The following PGM1 variants were observed in gnomAD, a reference collection of about 807,000 sequenced individuals.
The protein encoded by PGM1 is phosphoglucomutase-1.
PGM1 carries 52 observed loss-of-function variants against 55.6 expected under a neutral mutation model. That is an observed-to-expected ratio of 0.94 (90% CI 0.75 to 1.18). The LOEUF is 1.18. PGM1 is among the 50% of genes most tolerant of loss of function. The probability of loss-of-function intolerance (pLI) is 0.00; values close to 1 mark genes in which losing one functional copy is unlikely to be tolerated. For synonymous variants in PGM1, 287 were observed against 271.7 expected (o/e 1.06, Z -0.55); for missense variants, 724 against 729.3 (o/e 0.99, Z 0.08).
chr1:63,619,133 A>G (rs533824154), intron 1 of PGM1, among the ~76,000 whole-genome samples: 21 of 152,216 alleles, frequency 1.4e-4, no homozygotes, highest in African/African-American at 5.1e-4. Context: ...TTGAGTCCCA[A>G]TTCTAGATTC....
chr1:63,623,443 A>T (rs772819860), intron 1 of PGM1: 6 of 1,608,134 alleles, frequency 3.7e-6, no homozygotes. Flanking sequence ...TCACTGAGCC[A>T]GTCGGTGGAA....
At chr1:63,651,106 A>G (rs938030900) in intron 8 of PGM1, among the ~76,000 whole-genome samples, 5 of 151,780 alleles carry the variant, frequency 3.3e-5, no homozygotes, top group African/African-American at 1.2e-4. Context: ...AGATGTAAAG[A>G]GTCAGTGTTT....
rs1647943004 is a variant in PGM1 at position 63,593,752 on chromosome 1, C to A, written c.246+18C>A. The A allele has an allele frequency of 6.3e-6, 10 of 1,578,598 alleles. No homozygotes were observed. The highest frequency in any genetic ancestry group is 7.7e-6 in the Non-Finnish European group (9 of 1,168,536). The stretch of plus-strand genomic sequence containing the variant: ...CCAACGGGGTAAGGGATGCGCGGCC[C>A]CGCGCCGCTGTGCACCCTGGCGCGT... On this transcript the variant is annotated intron_variant, in intron 1 of 10. Transcript: ENST00000371084.
At chr1:63,614,635 G>A (rs1054134206) in intron 1 of PGM1, among the ~76,000 whole-genome samples, 3 of 152,156 alleles carry the variant, frequency 2.0e-5, no homozygotes, top group East Asian at 1.9e-4. Flanking sequence ...CTTAGAGCAA[G>A]CCTTCTAACT....
chr1:63,638,635 C>A, intron 6 of PGM1, 50 bp from the exon 7 acceptor site: 1 of 1,229,746 alleles, frequency 8.1e-7, no homozygotes, highest in Non-Finnish European at 1.2e-6. Context: ...CCTCACATGG[C>A]CACGCTAACA....
rs1181503630 is a variant in PGM1 at position 63,634,999 on chromosome 1, G to A, written c.853G>A (p.Ala285Thr). 1.9e-6 allele frequency: 3 copies of A among 1,613,968 alleles called. No individual in the cohort carries two copies. Among genetic ancestry groups the A allele is most frequent in the Admixed American group, 3.3e-5 (2 of 60,016 alleles). Residue 285 changes from alanine to threonine, a missense_variant, in exon 5 of 11, where the codon GCT (alanine) becomes ACT (threonine). Ala to Thr is a moderately conservative substitution (Grantham distance 58). Around this residue, in one of 3 missense-constraint regions of PGM1, gnomAD observed 29 missense variants for 58.7 expected, o/e 0.49. Transcript: ENST00000371084. ...GAAGTCAGGAGAGCATGATTTTGGG[G>A]CTGCCTTTGATGGAGATGGGGTGGG... The part of the protein sequence containing the change: ...TMKSGEHDFG[A>T]AFDGDGDRNM...
At chr1:63,613,775 C>T (rs1338449901) in intron 1 of PGM1, among the ~76,000 whole-genome samples, 2 of 150,720 alleles carry the variant, frequency 1.3e-5, no homozygotes, top group Non-Finnish European at 2.9e-5. Context: ...ACTCTGTCCA[C>T]CAAATGCAGG....
chr1:63,656,438 G>A (rs755625897), intron 10 of PGM1, among the ~76,000 whole-genome samples: 13 of 152,114 alleles, frequency 8.5e-5, no homozygotes, highest in Non-Finnish European at 1.9e-4. Flanking sequence ...CCTCTTCTGG[G>A]TATATATTCA....
At chr1:63,657,582 C>T (rs908946100) in intron 10 of PGM1, among the ~76,000 whole-genome samples, 4 of 152,064 alleles carry the variant, frequency 2.6e-5, no homozygotes. Context: ...ATCTCTAAAA[C>T]TTTTTTCCCC....
At chr1:63,608,410 G>A (rs1471622603) in intron 1 of PGM1, among the ~76,000 whole-genome samples, 2 of 152,204 alleles carry the variant, frequency 1.3e-5, no homozygotes, top group African/African-American at 4.8e-5. Context: ...GGCCCTGACC[G>A]AGGAAGAGAG....
chr1:63,629,017 C>T (rs1649114504), intron 1 of PGM1, among the ~76,000 whole-genome samples: 2 of 152,170 alleles, frequency 1.3e-5, no homozygotes, highest in South Asian at 2.1e-4. Flanking sequence ...ATTAGCTAAA[C>T]CTTTTCTTTT....
At chr1:63,649,951 G>A (rs747089862) in intron 8 of PGM1, among the ~76,000 whole-genome samples, 9 of 152,142 alleles carry the variant, frequency 5.9e-5, no homozygotes, top group Non-Finnish European at 1.3e-4. Flanking sequence ...GTTTTGAACC[G>A]ATAAATGAAT....
intron 1 of PGM1, among the ~76,000 whole-genome samples, chr1:63,615,777 T>A (rs969922183): frequency 2.6e-5 from 4 of 151,852 alleles, no homozygotes; most frequent in Admixed American, 6.6e-5. Context: ...GCCAGGCGGA[T>A]CACTTGAGGT....
chr1:63,628,940 A>T (rs10489613), intron 1 of PGM1, among the ~76,000 whole-genome samples: 23,686 of 152,188 alleles, frequency 0.16, 2,041 homozygotes, highest in African/African-American at 0.25. Context: ...TCATTTTTCA[A>T]TAATCTTGAT....
chr1:63,639,432 C>T (rs571921307), intron 7 of PGM1, among the ~76,000 whole-genome samples: 31 of 151,930 alleles, frequency 2.0e-4, no homozygotes, highest in South Asian at 1.0e-3. Flanking sequence ...TCACTCTCTG[C>T]GCTCTCCTTC....
At chr1:63,602,664 C>T (rs928165424) in intron 1 of PGM1, among the ~76,000 whole-genome samples, 1 of 151,990 alleles carries the variant, frequency 6.6e-6, no homozygotes, top group East Asian at 1.9e-4. Context: ...TGTGTGAGTC[C>T]GGAGGGCTTA....
chr1:63,634,720 T>G (rs191080616), intron 4 of PGM1, 109 bp from the exon 5 acceptor site: 3 of 859,798 alleles, frequency 3.5e-6, no homozygotes, highest in Non-Finnish European at 5.9e-6. Flanking sequence ...CTGTTGTTTC[T>G]CATGCCATTC....
intron 1 of PGM1, among the ~76,000 whole-genome samples, chr1:63,611,234 T>C (rs539386801): frequency 6.6e-6 from 1 of 152,076 alleles, no homozygotes; most frequent in East Asian, 1.9e-4. Flanking sequence ...AGGGGAGATG[T>C]GTTTAAGCCA....
intron 1 of PGM1, among the ~76,000 whole-genome samples, chr1:63,608,217 A>G (rs1203697522): frequency 6.6e-6 from 1 of 152,228 alleles, no homozygotes; most frequent in Non-Finnish European, 1.5e-5. Context: ...AGAGGAGCTT[A>G]AGAGACAGTT....
Sources: gnomAD v4.1 joint callset for allele counts (sites outside exome capture counted in the v4.1 genomes callset) on GRCh38, gnomAD v4.1.1 for gene constraint, gnomAD v4.1.1 regional missense constraint, MANE v1.5 for transcripts, NCBI Gene and HGNC (gene_info 2026-07-23, HGNC 2026-07-21) for gene names.